The following TEX11 variants were observed in gnomAD, a reference collection of about 807,000 sequenced individuals.
TEX11 encodes the protein testis-expressed protein 11.
In TEX11, 7 loss-of-function variants were observed where a neutral mutation model predicts 84.4. The ratio of observed to expected loss-of-function variants is 0.08; its 90% CI spans 0.05 to 0.16. TEX11 has a LOEUF of 0.16. TEX11 is among the 10% of genes least tolerant of loss of function. The pLI is 1.00. For missense variants in TEX11, 551 were observed against 660.5 expected (o/e 0.83, Z 1.82); for synonymous variants, 264 against 222.8 (o/e 1.18, Z -1.64).
chrX:70,559,698 G>A (rs937935276), intron 25 of TEX11, among the ~76,000 whole-genome samples: 1 of 111,683 alleles, frequency 9.0e-6, no homozygotes, highest in African/African-American at 3.3e-5. Context: ...TCTTTTTATT[G>A]CTTTGTAGTA....
At chrX:70,632,244 A>G (rs1311867421) in intron 17 of TEX11, among the ~76,000 whole-genome samples, 5 of 111,642 alleles carry the variant, frequency 4.5e-5, no homozygotes. Context: ...TAAATCAATG[A>G]CCTCAGTGTT....
At chrX:70,765,565 G>C (rs1198308600) in intron 9 of TEX11, among the ~76,000 whole-genome samples, 1 of 111,886 alleles carries the variant, frequency 8.9e-6, no homozygotes, top group African/African-American at 3.3e-5. Context: ...TGCTGAAAAA[G>C]CATTTGAGAA....
chrX:70,525,361 A>G (rs1412614839), downstream of TEX11, among the ~76,000 whole-genome samples: 2 of 111,508 alleles, frequency 1.8e-5, no homozygotes, highest in African/African-American at 3.3e-5. Context: ...AGAGGCGGGC[A>G]GATCATTTGA....
chrX:70,581,201 TTCCTATGTTGCCCAGGCTGG>T (rs749380507), intron 25 of TEX11, among the ~76,000 whole-genome samples: 5 of 109,405 alleles, frequency 4.6e-5, no homozygotes, highest in Admixed American at 4.0e-4. Context: ...AGACAGGGTC[TTCCTATGTTGCCCAGGCTGG>T]TCTTGAACTC....
intron 25 of TEX11, among the ~76,000 whole-genome samples, chrX:70,568,553 C>T (rs2088531809): frequency 9.0e-6 from 1 of 110,976 alleles, no homozygotes; most frequent in Non-Finnish European, 1.9e-5. Flanking sequence ...CCAGTTGTTC[C>T]TTTCCATGTT....
chrX:70,790,350 T>C (rs142371539), intron 9 of TEX11, among the ~76,000 whole-genome samples: 2 of 111,491 alleles, frequency 1.8e-5, no homozygotes, highest in African/African-American at 6.5e-5. Flanking sequence ...GAACTCCGCA[T>C]GGAGTCACCA....
rs138041249 is a variant in TEX11 at position 70,589,951 on chromosome X, A to G, written c.2140+1800T>C. On this transcript the variant is annotated intron_variant, in intron 25 of 29. Transcript: ENST00000374333. ...TAGTTTGGGTTTTTAAAAAATGTCC[A>G]GGTGGTAGGGTATTTCAAAAGAATG... Among the ~76,000 whole-genome samples, 95 of 112,334 alleles carry G rather than the reference A, an allele frequency of 8.5e-4. 1 individual carries two copies. The East Asian group carries it at 0.014, about 17-fold the overall frequency.
chrX:70,772,416 A>C (rs1486582899), intron 9 of TEX11, among the ~76,000 whole-genome samples: 3 of 110,514 alleles, frequency 2.7e-5, no homozygotes, highest in African/African-American at 9.9e-5. Flanking sequence ...CTATACAAAA[A>C]TTTAAAAATT....
At chrX:70,625,783 T>C (rs1332607342) in intron 18 of TEX11, among the ~76,000 whole-genome samples, 11 of 108,985 alleles carry the variant, frequency 1.0e-4, no homozygotes, top group Admixed American at 6.8e-4. Context: ...TTTCTTTTTT[T>C]TTTTTTTAAG....
chrX:70,530,089 A>C, intron 28 of TEX11, 90 bp from the exon 29 acceptor site: 1 of 811,463 alleles, frequency 1.2e-6, no homozygotes. Context: ...TTTATTACTA[A>C]ACAAACAATA....
chrX:70,638,631 C>G (rs1227788538), intron 17 of TEX11, among the ~76,000 whole-genome samples: 1 of 109,401 alleles, frequency 9.1e-6, no homozygotes, highest in Non-Finnish European at 1.9e-5. Context: ...GAAACTCCAT[C>G]TCTACTAAAA....
rs1028721713 is a variant in TEX11 at position 70,836,544 on chromosome X, T to C, written c.526-2951A>G. On this transcript the variant is annotated intron_variant, in intron 7 of 29. Transcript: ENST00000374333. ...TATTTTGCCTAAAGGGAGATACAGA[T>C]GGCAAATAAGTAAATGAAAGGATGT... Among the ~76,000 whole-genome samples, 6 of 112,047 alleles carry C rather than the reference T, an allele frequency of 5.4e-5. No individual in the cohort carries two copies. In the South Asian group the frequency reaches 1.9e-3, roughly 35 times the overall value.
At chrX:70,891,447 G>T (rs2091737645) in intron 2 of TEX11, among the ~76,000 whole-genome samples, 2 of 111,251 alleles carry the variant, frequency 1.8e-5, no homozygotes, top group South Asian at 3.8e-4. Context: ...GCTAAAGGAG[G>T]ATGTTCAAAC....
chrX:70,745,735 A>G (rs2090764102), intron 9 of TEX11, among the ~76,000 whole-genome samples: 1 of 111,920 alleles, frequency 8.9e-6, no homozygotes, highest in South Asian at 3.7e-4. Context: ...CTGTGTCTCG[A>G]AATAAATAAA....
intron 2 of TEX11, chrX:70,897,682 A>C (rs2091779342): frequency 5.4e-5 from 1 of 18,478 alleles, no homozygotes; most frequent in East Asian, 1.7e-3. Context: ...AGAAAGAAAA[A>C]GAAAGAAAGA....
At chrX:70,648,835 A>T (rs949293126) in intron 17 of TEX11, among the ~76,000 whole-genome samples, 1 of 109,843 alleles carries the variant, frequency 9.1e-6, no homozygotes, top group Non-Finnish European at 1.9e-5. Context: ...TAAGCCTCAC[A>T]TGCATTAGCT....
intron 8 of TEX11, among the ~76,000 whole-genome samples, chrX:70,807,233 G>A (rs1408659174): frequency 9.8e-6 from 1 of 101,945 alleles, no homozygotes; most frequent in Non-Finnish European, 2.0e-5. Context: ...CGAGGAGTGA[G>A]GTTGGGAAAT....
rs370352284 is a variant in TEX11 at position 70,697,898 on chromosome X, C to A, written c.1005-15073G>T. Among the ~76,000 whole-genome samples, 5 of 111,954 alleles carry A rather than the reference C, an allele frequency of 4.5e-5. No individual in the cohort carries two copies. The East Asian group carries it at 1.4e-3, about 31-fold the overall frequency. Reference sequence around the variant, plus strand: ...AAGTGGAGGAACAAGAACTTGAAAACATGTAATCTGACGCCAAAGTCCACA... The same window carrying A: ...AAGTGGAGGAACAAGAACTTGAAAAAATGTAATCTGACGCCAAAGTCCACA... On this transcript the variant is annotated intron_variant, in intron 13 of 29. Coordinates refer to ENST00000374333, the MANE Select transcript of TEX11 (RefSeq NM_031276.3).
At chrX:70,556,039 T>G (rs1342612414) in intron 25 of TEX11, among the ~76,000 whole-genome samples, 1 of 111,872 alleles carries the variant, frequency 8.9e-6, no homozygotes, top group Non-Finnish European at 1.9e-5. Context: ...TAGAGGTTTA[T>G]CATTTGTATT....
Sources: gnomAD v4.1 joint callset for allele counts (sites outside exome capture counted in the v4.1 genomes callset) on GRCh38, gnomAD v4.1.1 for gene constraint, MANE v1.5 for transcripts, NCBI Gene and HGNC (gene_info 2026-07-23, HGNC 2026-07-21) for gene names.